Variants in SCEL observed in about 807,000 individuals in gnomAD.
SCEL encodes the protein sciellin.
Under a neutral mutation model 117.6 loss-of-function variants are expected in SCEL, and 113 were observed. The observed-to-expected ratio is 0.96, with a 90% confidence interval of 0.83 to 1.12. The LOEUF (loss-of-function observed/expected upper bound fraction) is 1.12. Among genes scored for constraint, SCEL ranks in the 50% most tolerant of loss-of-function variants. The pLI is 0.00. For synonymous variants in SCEL, 270 were observed against 256.2 expected (o/e 1.05, Z -0.51); for missense variants, 785 against 810.8 (o/e 0.97, Z 0.39).
intron 9 of SCEL, among the ~76,000 whole-genome samples, chr13:77,581,137 T>A (rs1186227030): frequency 6.6e-6 from 1 of 152,198 alleles, no homozygotes; most frequent in Non-Finnish European, 1.5e-5. Context: ...AAAAAAATAT[T>A]TATATTAACT....
intron 9 of SCEL, among the ~76,000 whole-genome samples, chr13:77,574,551 C>T (rs975170623): frequency 1.3e-5 from 2 of 152,136 alleles, no homozygotes; most frequent in African/African-American, 4.8e-5. Flanking sequence ...ATAGCAATGC[C>T]TTTGATTTTT....
At chr13:77,633,466 A>T (rs2090130152) in intron 28 of SCEL, among the ~76,000 whole-genome samples, 1 of 146,716 alleles carries the variant, frequency 6.8e-6, no homozygotes, top group Admixed American at 6.8e-5. Context: ...AAAAAAAAAA[A>T]GAAGCCAGGC....
At chr13:77,601,567 G>A (rs1209271284) in intron 15 of SCEL, among the ~76,000 whole-genome samples, 1 of 152,060 alleles carries the variant, frequency 6.6e-6, no homozygotes, top group East Asian at 1.9e-4. Flanking sequence ...AAAGTGCTGG[G>A]ACCATAACAG....
chr13:77,543,428 G>A (rs559944997), intron 1 of SCEL, among the ~76,000 whole-genome samples: 46 of 152,188 alleles, frequency 3.0e-4, no homozygotes, highest in Non-Finnish European at 6.5e-4. Flanking sequence ...GATTTGCCCT[G>A]GGCAACTATT....
chr13:77,596,601 A>G (rs1025151328), intron 12 of SCEL, among the ~76,000 whole-genome samples: 4 of 152,078 alleles, frequency 2.6e-5, no homozygotes, highest in Non-Finnish European at 5.9e-5. Context: ...ATCGTACTCC[A>G]TGTGTCCTTA....
Position 77,550,332 on chromosome 13 carries a change from G to A in SCEL, c.-19-5525G>A, listed in dbSNP as rs142117399. ...ACCCAGGAGGCAGAGGTTGCAGTGC[G>A]GCAAGATCATGCAACAGCACTACAG... On this transcript the variant is annotated intron_variant, in intron 1 of 32. Transcript: ENST00000349847. Among the ~76,000 whole-genome samples the A allele has an allele frequency of 6.6e-5, 10 of 151,012 alleles. No individual in the cohort carries two copies. In the East Asian group the frequency reaches 1.2e-3, roughly 18 times the overall value.
intron 31 of SCEL, among the ~76,000 whole-genome samples, chr13:77,642,222 A>G (rs1390773545): frequency 6.6e-6 from 1 of 152,150 alleles, no homozygotes; most frequent in Non-Finnish European, 1.5e-5. Flanking sequence ...TTTAGACACA[A>G]CCAATTAATC....
chr13:77,609,374 A>G (rs1286911842), intron 21 of SCEL, among the ~76,000 whole-genome samples: 1 of 152,102 alleles, frequency 6.6e-6, no homozygotes, highest in African/African-American at 2.4e-5. Flanking sequence ...TTGATTTATT[A>G]TTTTTCTTAA....
At chr13:77,568,767 A>G (rs532230329) in intron 7 of SCEL, among the ~76,000 whole-genome samples, 1 of 152,314 alleles carries the variant, frequency 6.6e-6, no homozygotes, top group Non-Finnish European at 1.5e-5. Context: ...ATCTATTTAA[A>G]TGGAACACAT....
chr13:77,642,977 A>G (rs1442795263), intron 32 of SCEL, among the ~76,000 whole-genome samples, 169 bp downstream of exon 32: 1 of 152,176 alleles, frequency 6.6e-6, no homozygotes, highest in Non-Finnish European at 1.5e-5. Flanking sequence ...ATGGTGTAAA[A>G]TCAATCAACT....
At chr13:77,639,605 C>T (rs1014897205) in intron 30 of SCEL, among the ~76,000 whole-genome samples, 1 of 152,124 alleles carries the variant, frequency 6.6e-6, no homozygotes, top group Non-Finnish European at 1.5e-5. Flanking sequence ...CTTCACTCTT[C>T]CACTCACTGG....
intron 24 of SCEL, among the ~76,000 whole-genome samples, chr13:77,617,259 A>T (rs1453308280): frequency 6.6e-6 from 1 of 152,072 alleles, no homozygotes; most frequent in Non-Finnish European, 1.5e-5. Context: ...TAGTTGGTGA[A>T]CCTGATTTTA....
intron 9 of SCEL, among the ~76,000 whole-genome samples, chr13:77,587,542 T>C (rs1236835686): frequency 2.0e-5 from 3 of 152,090 alleles, no homozygotes; most frequent in Non-Finnish European, 4.4e-5. Flanking sequence ...TTTTTTTCTT[T>C]TCCCACCATC....
intron 1 of SCEL, among the ~76,000 whole-genome samples, chr13:77,543,170 G>A: frequency 7.2e-6 from 1 of 139,442 alleles, no homozygotes; most frequent in South Asian, 2.5e-4. Flanking sequence ...TGCAAGCTCC[G>A]CCTCCCGGGT....
rs766755952 is a variant in SCEL, at chr13:77,589,219, T to C, written c.621T>C (p.Asp207=). ...PVSSPNQLRQ[D]NRQIHPPKPG... ...CTTCTCCTAACCAGCTGAGACAGGATAATAGGTAAGACCTAGTACTCCAGA... is the reference window on the plus strand; with the variant it reads ...CTTCTCCTAACCAGCTGAGACAGGACAATAGGTAAGACCTAGTACTCCAGA... Residue 207 remains aspartate, a synonymous_variant, in exon 10 of 33, where the codon GAT becomes GAC. Transcript: ENST00000349847. 8.1e-6 allele frequency: 13 copies of C among 1,607,906 alleles called. No homozygotes were observed. In the East Asian group the frequency reaches 2.5e-4, roughly 30 times the overall value.
chr13:77,617,706 A>G (rs1380874893), intron 25 of SCEL, 48 bp downstream of exon 25: 1 of 1,480,238 alleles, frequency 6.8e-7, no homozygotes, highest in Non-Finnish European at 9.3e-7. Context: ...AAAGAATATT[A>G]AGTTTTATTA....
At chr13:77,612,456 CTTTTTTTTTTTTTTTTTTTTTT>C (rs71102764) in intron 22 of SCEL, among the ~76,000 whole-genome samples, 11 of 93,604 alleles carry the variant, frequency 1.2e-4, no homozygotes, top group Admixed American at 2.6e-4. Context: ...TTTTTCTTTT[CTTTTTTTTTTTTTTTTTTTTTT>C]TTTTTTTACA....
At chr13:77,629,179 C>A (rs144046228) in intron 28 of SCEL, among the ~76,000 whole-genome samples, 2 of 152,246 alleles carry the variant, frequency 1.3e-5, no homozygotes, top group East Asian at 3.9e-4. Flanking sequence ...GGTGGCATTG[C>A]CGGGCCTCAG....
chr13:77,627,024 AG>A (rs1273510605), intron 27 of SCEL, among the ~76,000 whole-genome samples: 1 of 152,194 alleles, frequency 6.6e-6, no homozygotes, highest in Non-Finnish European at 1.5e-5. Flanking sequence ...ATCTCATGAA[AG>A]GGTGTCAAAT....
Sources: gnomAD v4.1 joint callset for allele counts (sites outside exome capture counted in the v4.1 genomes callset) on GRCh38, gnomAD v4.1.1 for gene constraint, MANE v1.5 for transcripts, NCBI Gene and HGNC (gene_info 2026-07-23, HGNC 2026-07-21) for gene names.